ERC2: variants seen among roughly 807,000 people sequenced by gnomAD.
ERC2 encodes the protein ERC protein 2.
Under a neutral mutation model 114.8 loss-of-function variants are expected in ERC2, and 42 were observed. That is an observed-to-expected ratio of 0.37 (90% CI 0.29 to 0.47). ERC2 has a LOEUF of 0.47. Among genes scored for constraint, ERC2 ranks in the 20% least tolerant of loss-of-function variants. The pLI is 0.99. For synonymous variants in ERC2, 454 were observed against 425.5 expected (o/e 1.07, Z -0.82); for missense variants, 939 against 1,150.7 (o/e 0.82, Z 2.66).
chr3:55,564,468 G>A lies in ERC2; in HGVS notation c.*40-53192C>T, dbSNP rs73830652. ...TTTATCATAAGTTGTTTAAATGCTT[G>A]AGATTGAGCTTCCCTGACTGTAATA... On this transcript the variant is annotated intron_variant, in intron 17 of 17. Coordinates refer to ENST00000288221, the MANE Select transcript of ERC2 (RefSeq NM_015576.3). Among the ~76,000 whole-genome samples, 1,508 of 152,286 alleles carry A rather than the reference G, an allele frequency of 9.9e-3. 22 individuals carry two copies. The highest frequency in any genetic ancestry group is 0.034 in the African/African-American group (1,402 of 41,550).
chr3:55,688,377 G>T (rs1232230606), intron 16 of ERC2, among the ~76,000 whole-genome samples: 2 of 152,116 alleles, frequency 1.3e-5, no homozygotes, highest in African/African-American at 4.8e-5. Context: ...GGGAGGTCAG[G>T]TAGCTCACCA....
At chr3:55,954,185 T>TA (rs1217536018) in intron 12 of ERC2, among the ~76,000 whole-genome samples, 1 of 148,498 alleles carries the variant, frequency 6.7e-6, no homozygotes, top group African/African-American at 2.5e-5. Flanking sequence ...ATGCAAATCT[T>TA]AAAAAGATAA....
At chr3:55,594,901 T>C (rs1268858483) in intron 17 of ERC2, among the ~76,000 whole-genome samples, 1 of 152,032 alleles carries the variant, frequency 6.6e-6, no homozygotes, top group African/African-American at 2.4e-5. Context: ...CTCATCACCA[T>C]CACCATCAAC....
chr3:56,277,506 C>T (rs1245292051), intron 3 of ERC2, among the ~76,000 whole-genome samples: 1 of 152,128 alleles, frequency 6.6e-6, no homozygotes, highest in Admixed American at 6.5e-5. Flanking sequence ...CTGAAAACTC[C>T]AGGCTCTCCA....
chr3:55,897,962 C>G (rs987467713), intron 13 of ERC2, among the ~76,000 whole-genome samples: 2 of 152,180 alleles, frequency 1.3e-5, no homozygotes, highest in Non-Finnish European at 2.9e-5. Flanking sequence ...TGATCCTTCT[C>G]CTGCAAACAA....
In ERC2 at chr3:55,746,260, G is replaced by A. The variant is rs572663527; in HGVS notation, c.2565-11342C>T. Among the ~76,000 whole-genome samples the A allele has an allele frequency of 5.5e-3, 835 of 151,830 alleles. 3 individuals carry two copies. Among genetic ancestry groups the A allele is most frequent in the Admixed American group, 0.012 (176 of 15,250 alleles). On this transcript the variant is annotated intron_variant, in intron 14 of 17. Coordinates refer to ENST00000288221, the MANE Select transcript of ERC2 (RefSeq NM_015576.3). ...GAGTGGATTTTTTTTTTTAAATGAA[G>A]TCTTGCTCTGTCACCCAGGCTGGAG...
chr3:55,853,229 T>C (rs1021422084), intron 14 of ERC2, among the ~76,000 whole-genome samples: 4 of 151,988 alleles, frequency 2.6e-5, no homozygotes, highest in Non-Finnish European at 5.9e-5. Context: ...AAGATACACA[T>C]AGAAAGCACT....
chr3:55,775,510 G>A (rs949909215), intron 14 of ERC2, among the ~76,000 whole-genome samples: 1 of 150,262 alleles, frequency 6.7e-6, no homozygotes, highest in South Asian at 2.1e-4. Context: ...CAGCCTGGGC[G>A]ACTCTGGCAG....
At chr3:56,268,739 T>C (rs2053479728) in intron 3 of ERC2, among the ~76,000 whole-genome samples, 1 of 152,204 alleles carries the variant, frequency 6.6e-6, no homozygotes, top group South Asian at 2.1e-4. Context: ...AATTAAACAT[T>C]GAAAGACCAA....
intron 17 of ERC2, among the ~76,000 whole-genome samples, chr3:55,542,388 G>C (rs1441350029): frequency 6.6e-6 from 1 of 152,214 alleles, no homozygotes; most frequent in African/African-American, 2.4e-5. Context: ...TCTGTGAAAA[G>C]AGTGCAGAAG....
At chr3:55,963,803 T>C (rs2068557562) in intron 12 of ERC2, among the ~76,000 whole-genome samples, 1 of 152,154 alleles carries the variant, frequency 6.6e-6, no homozygotes. Context: ...ATTGACCCCC[T>C]GGGGGCTAAC....
chr3:55,535,316 C>T (rs1180723828), intron 17 of ERC2, among the ~76,000 whole-genome samples: 1 of 152,178 alleles, frequency 6.6e-6, no homozygotes, highest in Non-Finnish European at 1.5e-5. Context: ...AGCCAACTTG[C>T]TGGAATTCCA....
chr3:55,989,922 G>A (rs2070924611), intron 11 of ERC2, among the ~76,000 whole-genome samples: 2 of 152,102 alleles, frequency 1.3e-5, no homozygotes, highest in Admixed American at 1.3e-4. Context: ...CCACTTCTCA[G>A]AGCAGTGGAC....
intron 2 of ERC2, among the ~76,000 whole-genome samples, chr3:56,350,228 T>C (rs1351117413): frequency 6.6e-6 from 1 of 152,250 alleles, no homozygotes; most frequent in Non-Finnish European, 1.5e-5. Context: ...ATAAAATTTT[T>C]CACAGCCAAC....
chr3:55,940,096 A>C (rs2066689420), intron 13 of ERC2, among the ~76,000 whole-genome samples: 1 of 152,128 alleles, frequency 6.6e-6, no homozygotes, highest in Non-Finnish European at 1.5e-5. Flanking sequence ...CTAGATTCCC[A>C]ATGGGAGGAC....
At chr3:55,970,106 C>T (rs1252942954) in intron 12 of ERC2, among the ~76,000 whole-genome samples, 9 of 152,172 alleles carry the variant, frequency 5.9e-5, no homozygotes, top group South Asian at 4.1e-4. Context: ...GGTCAAGGTT[C>T]GCTTTATTTT....
chr3:55,685,303 T>C (rs1292776941), intron 16 of ERC2, among the ~76,000 whole-genome samples: 1 of 152,184 alleles, frequency 6.6e-6, no homozygotes, highest in East Asian at 1.9e-4. Context: ...CAACTCAGTA[T>C]GAATTTTCAC....
intron 17 of ERC2, among the ~76,000 whole-genome samples, chr3:55,625,374 G>GAAAAAAAAAAAAAAAA (rs60450668): frequency 2.7e-4 from 32 of 119,868 alleles, no homozygotes; most frequent in Non-Finnish European, 3.8e-4. Flanking sequence ...CTCAAAAAAA[G>GAAAAAAAAAAAAAAAA]AAAAAAAAAA....
intron 2 of ERC2, among the ~76,000 whole-genome samples, chr3:56,420,627 T>C (rs2061349181): frequency 6.6e-6 from 1 of 151,736 alleles, no homozygotes; most frequent in Non-Finnish European, 1.5e-5. Context: ...GGCTCACTCC[T>C]GTAATCCCAG....
Sources: allele counts gnomAD v4.1 joint callset (sites outside exome capture counted in the v4.1 genomes callset), GRCh38; gene constraint gnomAD v4.1.1; transcripts MANE v1.5; gene names NCBI Gene and HGNC (gene_info 2026-07-23, HGNC 2026-07-21).